EIF3L: variants seen among roughly 807,000 people sequenced by gnomAD.
The protein encoded by EIF3L is eukaryotic translation initiation factor 3 subunit L, also known as eIEF associated protein HSPC021.
In EIF3L, 32 loss-of-function variants were observed where a neutral mutation model predicts 74.6. The observed-to-expected ratio is 0.43, with a 90% CI of 0.32 to 0.58. The LOEUF (loss-of-function observed/expected upper bound fraction) is 0.58, where lower values mean the gene tolerates loss of function less well. Ranked by LOEUF, EIF3L falls within the 20% of genes least tolerant of loss-of-function variation. The probability of loss-of-function intolerance (pLI) is 0.06; values close to 1 mark genes in which losing one functional copy is unlikely to be tolerated. For synonymous variants in EIF3L, 256 were observed against 254.4 expected, an observed-to-expected ratio of 1.01 and a Z score of -0.06; for missense variants, 474 against 707.8, an observed-to-expected ratio of 0.67 and a Z score of 3.75.
chr22:37,857,262 C>T (rs980697053), intron 4 of EIF3L, among the ~76,000 whole-genome samples: 19 of 141,902 alleles, frequency 1.3e-4, no homozygotes, highest in Non-Finnish European at 2.0e-4. Flanking sequence ...CCCAGCTACT[C>T]GGGAGGCTGA....
chr22:37,874,297 G>C, intron 8 of EIF3L, 73 bp from the exon 9 acceptor site: 1 of 1,517,450 alleles, frequency 6.6e-7, no homozygotes, highest in Non-Finnish European at 8.9e-7. Flanking sequence ...TGCCTACTGA[G>C]TAACATTCAG....
chr22:37,854,589 T>C (rs528662296), intron 3 of EIF3L, among the ~76,000 whole-genome samples: 1 of 152,350 alleles, frequency 6.6e-6, no homozygotes, highest in East Asian at 1.9e-4. Context: ...TGCCTCAGCT[T>C]CCCAAGTAGT....
Position 37,851,705 on chromosome 22 carries a change from G to A in EIF3L, c.293+215G>A, listed in dbSNP as rs192249029. 625 of 454,732 alleles carry A rather than the reference G, an allele frequency of 1.4e-3. 2 individuals carry two copies. Among genetic ancestry groups the A allele is most frequent in the African/African-American group, 0.011 (574 of 50,410 alleles). The allele number at this position is 454,732 out of a possible 1,614,324, so 28.2% of individuals were successfully genotyped here. ...TTTTGAAACGGAGTGTCACTCTGTCGCCCAGGCTGGAGTGCAGTGGCAAGA... is the reference window on the plus strand; with the variant it reads ...TTTTGAAACGGAGTGTCACTCTGTCACCCAGGCTGGAGTGCAGTGGCAAGA... On this transcript the variant is annotated intron_variant, in intron 3 of 12. Coordinates refer to ENST00000652021, the MANE Select transcript of EIF3L (RefSeq NM_016091.4).
chr22:37,858,503 T>A (rs767138921), intron 4 of EIF3L, 176 bp from the exon 5 acceptor site: 5 of 664,882 alleles, frequency 7.5e-6, no homozygotes, highest in Non-Finnish European at 1.3e-5. Context: ...TTGAGGTTGA[T>A]GGAGTCAAAT....
intron 11 of EIF3L, chr22:37,879,360 T>C (rs1926925403): frequency 6.6e-6 from 1 of 152,134 alleles, no homozygotes; most frequent in Non-Finnish European, 1.5e-5. Context: ...CTGGGCATGG[T>C]GGCGCATACC....
chr22:37,874,287 T>C, intron 8 of EIF3L, 83 bp from the exon 9 acceptor site: 1 of 1,410,972 alleles, frequency 7.1e-7, no homozygotes, highest in Admixed American at 2.1e-5. Context: ...GTAGGTGAGA[T>C]GCCTACTGAG....
At chr22:37,865,066 C>T (rs1021721896) in intron 7 of EIF3L, among the ~76,000 whole-genome samples, 1 of 152,292 alleles carries the variant, frequency 6.6e-6, no homozygotes, top group East Asian at 1.9e-4. Context: ...TTAGCCCAGT[C>T]CTTCTATTTA....
intron 4 of EIF3L, 34 bp from the exon 5 acceptor site, chr22:37,858,645 G>T (rs1186908574): frequency 1.3e-6 from 2 of 1,597,704 alleles, no homozygotes; most frequent in South Asian, 1.1e-5. Flanking sequence ...CCAGTTTTAT[G>T]GTTAGTGAAG....
intron 7 of EIF3L, among the ~76,000 whole-genome samples, chr22:37,868,630 G>C (rs1601769223): frequency 2.0e-5 from 1 of 50,182 alleles, no homozygotes; most frequent in African/African-American, 8.4e-5. Flanking sequence ...TTTTTGTTTT[G>C]GTGCTTTTTT....
At chr22:37,858,086 G>C (rs907952086) in intron 4 of EIF3L, among the ~76,000 whole-genome samples, 1 of 151,920 alleles carries the variant, frequency 6.6e-6, no homozygotes, top group Non-Finnish European at 1.5e-5. Flanking sequence ...TGAGGTGGAA[G>C]GATCACTTGA....
chr22:37,868,270 C>T (rs1442085437), intron 7 of EIF3L, among the ~76,000 whole-genome samples: 4 of 149,950 alleles, frequency 2.7e-5, no homozygotes, highest in East Asian at 2.0e-4. Context: ...TGCACCACCA[C>T]GCCCTGCTAA....
chr22:37,851,035 A>G (rs769068130), intron 2 of EIF3L, among the ~76,000 whole-genome samples: 11 of 152,196 alleles, frequency 7.2e-5, no homozygotes, highest in Non-Finnish European at 1.0e-4. Flanking sequence ...GAGATTCCTG[A>G]CTTCCTAGAC....
intron 10 of EIF3L, 147 bp downstream of exon 10, chr22:37,876,158 T>A: frequency 1.3e-6 from 1 of 785,700 alleles, no homozygotes; most frequent in Non-Finnish European, 2.0e-6. Flanking sequence ...TGATTGTGCC[T>A]ACTAATAGAT....
Position 37,849,449 on chromosome 22 carries a change from C to A in EIF3L, c.-1C>A. 2.5e-6 allele frequency: 4 copies of A among 1,613,538 alleles called. No individual in the cohort carries two copies. The highest frequency in any genetic ancestry group is 3.4e-6 in the Non-Finnish European group (4 of 1,179,724). On this transcript the variant is annotated 5_prime_UTR_variant, in exon 1 of 13. Transcript: ENST00000652021. ...CGGCGGTGCTCGCAAGCGAGGCAGC[C>A]ATGTCTTATCCCGCTGATGATTATG...
intron 4 of EIF3L, among the ~76,000 whole-genome samples, chr22:37,858,372 G>A (rs1052843882): frequency 5.3e-5 from 8 of 151,434 alleles, no homozygotes; most frequent in South Asian, 2.1e-4. Flanking sequence ...CCATGGGTGC[G>A]CACCACCACG....
intron 7 of EIF3L, among the ~76,000 whole-genome samples, chr22:37,863,630 C>A (rs569249011): frequency 6.6e-6 from 1 of 152,284 alleles, no homozygotes; most frequent in East Asian, 1.9e-4. Flanking sequence ...GCTTCACAGG[C>A]TTTGGAGCGA....
At chr22:37,860,134 T>C (rs1925778846) in intron 5 of EIF3L, among the ~76,000 whole-genome samples, 1 of 152,236 alleles carries the variant, frequency 6.6e-6, no homozygotes, top group African/African-American at 2.4e-5. Flanking sequence ...CATCTGCACT[T>C]GGCTGTCTGA....
At position 37,874,324 on chromosome 22, in the gene EIF3L, C is replaced by T. The variant is rs199915393; in HGVS notation, c.752-46C>T. The T allele has an allele frequency of 1.6e-5, 25 of 1,590,150 alleles. No individual in the cohort carries two copies. In the East Asian group the frequency reaches 3.8e-4, roughly 24 times the overall value. On this transcript the variant is annotated intron_variant, in intron 8 of 12. Transcript: ENST00000652021. ...AACATTCAGAGGTCAGGTGTGCCTGCCTTTACCTGCCTCCTATCAGTATTC... is the reference window on the plus strand; with the variant it reads ...AACATTCAGAGGTCAGGTGTGCCTGTCTTTACCTGCCTCCTATCAGTATTC...
At chr22:37,858,516 G>C in intron 4 of EIF3L, 163 bp from the exon 5 acceptor site, 1 of 685,586 alleles carries the variant, frequency 1.5e-6, no homozygotes, top group Admixed American at 2.6e-5. Context: ...AGTCAAATGA[G>C]AAGTGGATTT....
Sources: allele counts gnomAD v4.1 joint callset (sites outside exome capture counted in the v4.1 genomes callset), GRCh38; gene constraint gnomAD v4.1.1; transcripts MANE v1.5; gene names NCBI Gene and HGNC (gene_info 2026-07-23, HGNC 2026-07-21).